The following PLEKHS1 variants were observed in gnomAD, a reference collection of about 807,000 sequenced individuals.
PLEKHS1 encodes pleckstrin homology domain containing S1.
In PLEKHS1, 55 loss-of-function variants were observed where a neutral mutation model predicts 51.0. That is an observed-to-expected ratio of 1.08 (90% CI 0.87 to 1.35). The LOEUF is 1.35. PLEKHS1 is among the 40% of genes most tolerant of loss of function. PLEKHS1 has a pLI of 0.00. For synonymous variants in PLEKHS1, 153 were observed against 144.8 expected (o/e 1.06, Z -0.41); for missense variants, 398 against 423.0 (o/e 0.94, Z 0.52).
chr10:113,775,751 T>TATTTC lies in PLEKHS1; in HGVS notation c.990-14_990-13insATTTC. 2.5e-6 allele frequency: 4 copies of TATTTC among 1,594,836 alleles called. No individual in the cohort carries two copies. Among genetic ancestry groups the TATTTC allele is most frequent in the Non-Finnish European group, 3.4e-6 (4 of 1,166,380 alleles). On this transcript the variant is annotated splice_polypyrimidine_tract_variant and intron_variant, in intron 10 of 11. Transcript: ENST00000361048. Reference sequence around the variant, plus strand: ...AGTTGCCTGATGTGACTTTTACAAATGTCTTGTTCATAGTAATATCCCCGA... The same window carrying TATTTC: ...AGTTGCCTGATGTGACTTTTACAAATATTTCGTCTTGTTCATAGTAATATCCCCGA...
chr10:113,765,768 G>C (rs1293994701), intron 2 of PLEKHS1, among the ~76,000 whole-genome samples: 5 of 152,044 alleles, frequency 3.3e-5, no homozygotes, highest in Non-Finnish European at 7.4e-5. Flanking sequence ...TTTTGTTTTT[G>C]TTTTAGCTTG....
chr10:113,767,296 C>A (rs371522471), intron 4 of PLEKHS1, 49 bp from the exon 5 acceptor site: 22 of 1,354,160 alleles, frequency 1.6e-5, no homozygotes, highest in African/African-American at 9.0e-5. Context: ...TATTAGTTTT[C>A]TATTTCTGTA....
intron 7 of PLEKHS1, among the ~76,000 whole-genome samples, chr10:113,771,618 T>C (rs1844408643): frequency 7.1e-6 from 1 of 140,952 alleles, no homozygotes; most frequent in Admixed American, 8.0e-5. Flanking sequence ...GAGGTTGCTG[T>C]GAGCCGAGAT....
chr10:113,783,186 A>T (rs1314113647), downstream of PLEKHS1: 1 of 151,954 alleles, frequency 6.6e-6, no homozygotes, highest in African/African-American at 2.4e-5. Context: ...GTGAGCCAAG[A>T]TCATGCCATT....
At chr10:113,764,251 C>T (rs558649682) in intron 2 of PLEKHS1, among the ~76,000 whole-genome samples, 1 of 152,204 alleles carries the variant, frequency 6.6e-6, no homozygotes, top group East Asian at 1.9e-4. Context: ...CAGGCTTGCA[C>T]CACCATGCCC....
intron 2 of PLEKHS1, among the ~76,000 whole-genome samples, chr10:113,758,982 C>A (rs930569172): frequency 6.6e-6 from 1 of 151,846 alleles, no homozygotes. Context: ...TTGCTCAGTG[C>A]AGGGTTGCCA....
chr10:113,782,328 G>C (rs1844888856), exon 12 of PLEKHS1: 1 of 152,108 alleles, frequency 6.6e-6, no homozygotes, highest in African/African-American at 2.4e-5. Flanking sequence ...AGTTGAACTT[G>C]GATTTGAAAA....
chr10:113,777,250 CCAG>C, intron 11 of PLEKHS1: 1 of 1,612,812 alleles, frequency 6.2e-7, no homozygotes, highest in Non-Finnish European at 8.5e-7. Flanking sequence ...CCCGGTCCAT[CCAG>C]AAGGAGGTGA....
chr10:113,758,930 A>G (rs141643703), intron 2 of PLEKHS1, among the ~76,000 whole-genome samples: 359 of 152,314 alleles, frequency 2.4e-3, no homozygotes, highest in African/African-American at 8.3e-3. Flanking sequence ...ACACAGAGAC[A>G]CTAAGTAAGC....
intron 2 of PLEKHS1, among the ~76,000 whole-genome samples, chr10:113,762,550 A>T (rs1463623858): frequency 6.6e-6 from 1 of 151,844 alleles, no homozygotes; most frequent in Non-Finnish European, 1.5e-5. Context: ...TTTAATTTTC[A>T]TCCAGTTCAA....
chr10:113,751,867 A>C (rs142001436), intron 1 of PLEKHS1, 106 bp downstream of exon 1: 1 of 152,238 alleles, frequency 6.6e-6, no homozygotes, highest in African/African-American at 2.4e-5. Context: ...AATTTTGCAG[A>C]TATGCTGTAT....
At chr10:113,775,644 T>C in intron 10 of PLEKHS1, 121 bp from the exon 11 acceptor site, 1 of 613,154 alleles carries the variant, frequency 1.6e-6, no homozygotes, top group East Asian at 2.8e-5. Context: ...CCAAATGTTT[T>C]GAACAACCTT....
chr10:113,782,108 G>C (rs767942016), exon 12 of PLEKHS1: 2 of 152,186 alleles, frequency 1.3e-5, no homozygotes, highest in Non-Finnish European at 2.9e-5. Flanking sequence ...AACAAAGGCA[G>C]AGAGCTAAAG....
At chr10:113,768,700 T>G (rs1564822412) in intron 5 of PLEKHS1, 115 bp from the exon 6 acceptor site, 13 of 759,948 alleles carry the variant, frequency 1.7e-5, no homozygotes, top group Non-Finnish European at 2.0e-5. Context: ...GAAAAATTCT[T>G]ATTTCGCTGG....
At chr10:113,778,261 G>A (rs975045766) in intron 11 of PLEKHS1, among the ~76,000 whole-genome samples, 3 of 152,158 alleles carry the variant, frequency 2.0e-5, no homozygotes, top group African/African-American at 7.2e-5. Context: ...AGGAGAGGAA[G>A]GAGAGAGTAT....
At chr10:113,775,658 C>A in intron 10 of PLEKHS1, 107 bp from the exon 11 acceptor site, 1 of 668,652 alleles carries the variant, frequency 1.5e-6, no homozygotes, top group Non-Finnish European at 2.6e-6. Context: ...CAACCTTTAC[C>A]TGGACAATGT....
chr10:113,753,330 G>C (rs983078754), intron 1 of PLEKHS1, among the ~76,000 whole-genome samples: 9 of 152,162 alleles, frequency 5.9e-5, no homozygotes, highest in Non-Finnish European at 1.3e-4. Flanking sequence ...GAACCTCATG[G>C]ATTTGATAAG....
At chr10:113,761,882 G>T (rs1172031173) in intron 2 of PLEKHS1, among the ~76,000 whole-genome samples, 1 of 151,906 alleles carries the variant, frequency 6.6e-6, no homozygotes, top group Non-Finnish European at 1.5e-5. Flanking sequence ...ATTTTTTTGG[G>T]AGGCTTTGTG....
Position 113,777,239 on chromosome 10 carries a change from A to G in PLEKHS1, c.1091+1373A>G, listed in dbSNP as rs1336743867. ...CCTGGAGGAGGTCTCCCTGTTTCTT[A>G]CCCGGTCCATCCAGAAGGAGGTGAG... On this transcript the variant is annotated intron_variant, in intron 11 of 11. Coordinates refer to ENST00000361048, the Ensembl canonical transcript of PLEKHS1. 1.9e-6 allele frequency: 3 copies of G among 1,612,816 alleles called. No individual in the cohort carries two copies. In the Admixed American group the frequency reaches 5.0e-5, roughly 27 times the overall value.
Sources: gnomAD v4.1 joint callset for allele counts (sites outside exome capture counted in the v4.1 genomes callset) on GRCh38, gnomAD v4.1.1 for gene constraint, MANE v1.5 for transcripts, NCBI Gene and HGNC (gene_info 2026-07-23, HGNC 2026-07-21) for gene names.